Variants in TNFRSF11A observed in about 807,000 individuals in gnomAD.
TNFRSF11A encodes the protein TNF receptor superfamily member 11a, also known as tumor necrosis factor receptor superfamily member 11A.
Under a neutral mutation model 55.7 loss-of-function variants are expected in TNFRSF11A, and 32 were observed. The ratio of observed to expected loss-of-function variants is 0.57; its 90% CI spans 0.43 to 0.77. TNFRSF11A has a LOEUF of 0.77. Ranked by LOEUF, TNFRSF11A falls within the 30% of genes least tolerant of loss-of-function variation. The pLI is 0.00. For synonymous variants in TNFRSF11A, 311 were observed against 331.0 expected (o/e 0.94, Z 0.65); for missense variants, 753 against 809.8 (o/e 0.93, Z 0.85).
rs980975969 is a variant in TNFRSF11A at position 62,389,096 on chromosome 18, A to G, written c.*4062A>G. 6.6e-6 allele frequency: 1 copy of G among 152,094 alleles called. No homozygotes were observed. Among genetic ancestry groups the G allele is most frequent in the Non-Finnish European group, 1.5e-5 (1 of 68,060 alleles). The allele number at this position is 152,094 out of a possible 1,614,324, so 9.4% of individuals were successfully genotyped here. The stretch of plus-strand genomic sequence containing the variant: ...AGACAAAGCATTCAAAGCCCTAAAC[A>G]CTCTGTTGGTGAATCATCATGTTTA... On this transcript the variant is annotated 3_prime_UTR_variant, in exon 10 of 10. Transcript: ENST00000586569.
chr18:62,333,052 A>C (rs902866175), intron 1 of TNFRSF11A, among the ~76,000 whole-genome samples: 2 of 152,146 alleles, frequency 1.3e-5, no homozygotes, highest in Non-Finnish European at 2.9e-5. Flanking sequence ...AGAGAGCTGG[A>C]GGGAGAAGGG....
At position 62,368,834 on chromosome 18, in the gene TNFRSF11A, GTGTC is replaced by G. The variant is rs1910292496; in HGVS notation, c.922_925del (p.Cys308ArgfsTer5). 1 of 1,614,132 alleles carries G rather than the reference GTGTC, an allele frequency of 6.2e-7. No individual in the cohort carries two copies. Among genetic ancestry groups the G allele is most frequent in the African/African-American group, 1.3e-5 (1 of 74,942 alleles). ...GATATGTGCTACCCAGATCAAGGTGGTGTCTGTCAGGGCACATGTGTAGGAGGTG... is the reference window on the plus strand; with the variant it reads ...GATATGTGCTACCCAGATCAAGGTGGTGTCAGGGCACATGTGTAGGAGGTG... On this transcript the variant is annotated frameshift_variant, in exon 9 of 10. Transcript: ENST00000586569. LOFTEE classifies it high-confidence loss of function.
Position 62,384,855 on chromosome 18 carries a change from G to A in TNFRSF11A, c.1672G>A (p.Gly558Ser). The A allele has an allele frequency of 1.1e-5, 17 of 1,606,532 alleles. No individual in the cohort carries two copies. The highest frequency in any genetic ancestry group is 1.4e-5 in the Non-Finnish European group (17 of 1,176,822). ...VVYVSQTSQE[G>S]AAAAAEPMGR... Reference sequence around the variant, plus strand: ...CTACGTCAGCCAGACCTCGCAGGAGGGCGCGGCGGCGGCTGCGGAGCCCAT... The same window carrying A: ...CTACGTCAGCCAGACCTCGCAGGAGAGCGCGGCGGCGGCTGCGGAGCCCAT... Residue 558 changes from glycine (G) to serine (S), a missense_variant, in exon 10 of 10, where the codon GGC becomes AGC. Around this residue, in one of 3 missense-constraint regions of TNFRSF11A, gnomAD observed 567 missense variants for 596.7 expected, o/e 0.95. Coordinates refer to ENST00000586569, the MANE Select transcript of TNFRSF11A (RefSeq NM_003839.4).
At chr18:62,335,129 ATTT>A (rs11289576) in intron 1 of TNFRSF11A, among the ~76,000 whole-genome samples, 7 of 140,750 alleles carry the variant, frequency 5.0e-5, no homozygotes, top group Non-Finnish European at 6.2e-5. Flanking sequence ...TGGGGTCGGA[ATTT>A]TTTTTTTTTT....
In TNFRSF11A at chr18:62,325,463, C is replaced by A; in HGVS notation, c.75+36C>A. On this transcript the variant is annotated intron_variant, in intron 1 of 9. Transcript: ENST00000586569. The surrounding 1 kb of genome is among the most constrained non-coding windows in gnomAD (Gnocchi z 4.7). ...CCCGCGCCTGCCGGGCCGCGCGGCC[C>A]GACGCCTCCTCGGGAGCCCCGGGAA... 3.3e-6 allele frequency: 4 copies of A among 1,228,452 alleles called. No individual in the cohort carries two copies. Among genetic ancestry groups the A allele is most frequent in the Non-Finnish European group, 4.1e-6 (4 of 973,392 alleles). The allele number at this position is 1,228,452 out of a possible 1,614,324, so 76.1% of individuals were successfully genotyped here.
At chr18:62,346,593 G>A (rs1439544606) in intron 1 of TNFRSF11A, among the ~76,000 whole-genome samples, 1 of 152,138 alleles carries the variant, frequency 6.6e-6, no homozygotes, top group Admixed American at 6.5e-5. Context: ...CAACCTTCCT[G>A]TCACACATCA....
chr18:62,364,522 G>C (rs1471476148), intron 7 of TNFRSF11A, among the ~76,000 whole-genome samples: 2 of 152,132 alleles, frequency 1.3e-5, no homozygotes, highest in Non-Finnish European at 2.9e-5. Context: ...AGGTGATCAT[G>C]GCAGGTCTGC....
chr18:62,334,973 AAC>A, intron 1 of TNFRSF11A, among the ~76,000 whole-genome samples: 2 of 152,252 alleles, frequency 1.3e-5, no homozygotes, highest in African/African-American at 4.8e-5. Flanking sequence ...ATTCAGTGAA[AAC>A]ACAGCTGGAA....
At chr18:62,370,625 T>C (rs1268345652) in intron 9 of TNFRSF11A, among the ~76,000 whole-genome samples, 1 of 152,178 alleles carries the variant, frequency 6.6e-6, no homozygotes, top group East Asian at 1.9e-4. Context: ...TGCAGCTACA[T>C]AGATTTACTG....
chr18:62,328,470 T>C lies in TNFRSF11A; in HGVS notation c.75+3043T>C, dbSNP rs116396335. On this transcript the variant is annotated intron_variant, in intron 1 of 9. Transcript: ENST00000586569. ...TTTATGACCTTGCAGATAGCACAAATCACCTAATTCAGGAAACCCCCACCA... is the reference window on the plus strand; with the variant it reads ...TTTATGACCTTGCAGATAGCACAAACCACCTAATTCAGGAAACCCCCACCA... 4.8e-3 allele frequency among the ~76,000 whole-genome samples: 724 copies of C among 151,312 alleles called. 7 individuals carry two copies. The highest frequency in any genetic ancestry group is 0.017 in the African/African-American group (693 of 41,306).
chr18:62,375,062 A>T (rs953124592), intron 9 of TNFRSF11A, among the ~76,000 whole-genome samples: 1 of 141,574 alleles, frequency 7.1e-6, no homozygotes, highest in African/African-American at 2.6e-5. Context: ...GTACCACCAC[A>T]CCCTGCTAAT....
At chr18:62,376,069 T>C (rs900626947) in intron 9 of TNFRSF11A, among the ~76,000 whole-genome samples, 5 of 152,130 alleles carry the variant, frequency 3.3e-5, no homozygotes, top group African/African-American at 1.2e-4. Context: ...CCTGGCATCA[T>C]TGGCTACTCT....
intron 1 of TNFRSF11A, among the ~76,000 whole-genome samples, chr18:62,334,526 A>T (rs1305285744): frequency 6.6e-6 from 1 of 152,206 alleles, no homozygotes; most frequent in Non-Finnish European, 1.5e-5. Flanking sequence ...GCAGACAGTG[A>T]TAGGTTAAAC....
At chr18:62,374,137 A>C (rs1910738319) in intron 9 of TNFRSF11A, 1 of 152,234 alleles carries the variant, frequency 6.6e-6, no homozygotes. Context: ...GATAATATTC[A>C]GCTTTCATTG....
chr18:62,386,067 A>C lies in TNFRSF11A; in HGVS notation c.*1033A>C, dbSNP rs930800985. ...AGAACTAAGCTCAGTATGTGACCTT[A>C]CCCGCTAGGTGGTTAATTTATCCAT... On this transcript the variant is annotated 3_prime_UTR_variant, in exon 10 of 10. Transcript: ENST00000586569. The C allele has an allele frequency of 2.6e-5, 4 of 152,178 alleles. No individual in the cohort carries two copies. Among genetic ancestry groups the C allele is most frequent in the Non-Finnish European group, 5.9e-5 (4 of 68,024 alleles). 9.4% of individuals were successfully genotyped at this position (152,178 alleles called of 1,614,324 possible). A position where few individuals can be genotyped will look rare whatever the true frequency, so the allele number is the denominator to read the frequency against.
intron 1 of TNFRSF11A, chr18:62,336,443 C>T (rs544037807): frequency 2.6e-5 from 4 of 152,246 alleles, no homozygotes; most frequent in Non-Finnish European, 5.9e-5. Flanking sequence ...CTGAGCAGTT[C>T]GTGCAGCCCC....
At chr18:62,368,263 T>G (rs1292007315) in intron 8 of TNFRSF11A, among the ~76,000 whole-genome samples, 1 of 152,230 alleles carries the variant, frequency 6.6e-6, no homozygotes, top group Non-Finnish European at 1.5e-5. Flanking sequence ...TCTCAGTATA[T>G]TTCCTCATTT....
intron 9 of TNFRSF11A, among the ~76,000 whole-genome samples, chr18:62,376,685 T>C (rs1443934495): frequency 1.3e-5 from 2 of 152,098 alleles, no homozygotes; most frequent in African/African-American, 4.8e-5. Context: ...ACCATGATAG[T>C]CTCCTACAGG....
At chr18:62,376,974 G>A (rs1019335185) in intron 9 of TNFRSF11A, among the ~76,000 whole-genome samples, 1 of 152,126 alleles carries the variant, frequency 6.6e-6, no homozygotes, top group African/African-American at 2.4e-5. Flanking sequence ...GAGTGCAGTG[G>A]CGTGATCTTG....
Sources: allele counts gnomAD v4.1 joint callset (sites outside exome capture counted in the v4.1 genomes callset), GRCh38; gene constraint gnomAD v4.1.1; regional missense constraint gnomAD v4.1.1; non-coding constraint Gnocchi (gnomAD v3.1); transcripts MANE v1.5; gene names NCBI Gene and HGNC (gene_info 2026-07-23, HGNC 2026-07-21).